Variants in TINAG observed in about 807,000 individuals in gnomAD.
TINAG encodes tubulointerstitial nephritis antigen.
TINAG carries 83 observed loss-of-function variants against 72.7 expected under a neutral mutation model. That is an observed-to-expected ratio of 1.14 (90% CI 0.96 to 1.37). The LOEUF is 1.37. TINAG is among the 40% of genes most tolerant of loss of function. The pLI, the probability that TINAG is intolerant of heterozygous loss-of-function variation, is 0.00. For missense variants in TINAG, 685 were observed against 576.6 expected (o/e 1.19, Z -1.93); for synonymous variants, 234 against 189.9 (o/e 1.23, Z -1.91).
intron 10 of TINAG, among the ~76,000 whole-genome samples, chr6:54,382,343 A>G (rs1486875912): frequency 6.6e-6 from 1 of 152,096 alleles, no homozygotes; most frequent in Non-Finnish European, 1.5e-5. Flanking sequence ...TTATTTACCA[A>G]TGTATCTCAA....
rs1784616237 is a variant in TINAG, at chr6:54,326,907, T to G, written c.615T>G (p.Asn205Lys). ...CTAGTCCCATGCTCCTGAGCATGAATGAAATGACAGTAAGTGTTCCTTCTG... is the reference window on the plus strand; with the variant it reads ...CTAGTCCCATGCTCCTGAGCATGAAGGAAATGACAGTAAGTGTTCCTTCTG... ...LPPSPMLLSMNEMTASLPATT... is the reference protein window; with the variant it reads ...LPPSPMLLSMKEMTASLPATT... The change falls in exon 4 of 11, where the codon AAT becomes AAG. Residue 205 changes from asparagine to lysine, a missense_variant. Asn to Lys is a moderately conservative substitution (Grantham distance 94). Transcript: ENST00000259782. 6.2e-7 allele frequency: 1 copy of G among 1,612,960 alleles called. No homozygotes were observed.
intron 1 of TINAG, among the ~76,000 whole-genome samples, chr6:54,314,644 C>A (rs912029800): frequency 1.3e-5 from 2 of 152,090 alleles, no homozygotes; most frequent in East Asian, 3.9e-4. Flanking sequence ...TGGATGTCTG[C>A]CTTTTGATTA....
chr6:54,308,616 G>A lies in TINAG; in HGVS notation c.66G>A (p.Gln22=), dbSNP rs1202385134. 6.2e-7 allele frequency: 1 copy of A among 1,613,676 alleles called. No homozygotes were observed. The highest frequency in any genetic ancestry group is 1.7e-5 in the Admixed American group (1 of 59,902). ...CTACAGAAATCTGGATGGAGAAGCA[G>A]TATTTATCTCAAAGAGAAGTGGACC... is the stretch of plus-strand genomic sequence containing the variant. ...YLTTEIWMEK[Q]YLSQREVDLE... is the part of the protein sequence containing the mutation. Residue 22 remains glutamine, a synonymous_variant, in exon 1 of 11, where the codon CAG becomes CAA. Transcript: ENST00000259782.
chr6:54,322,097 G>A (rs1306907063), intron 3 of TINAG, among the ~76,000 whole-genome samples: 1 of 152,100 alleles, frequency 6.6e-6, no homozygotes, highest in Non-Finnish European at 1.5e-5. Flanking sequence ...CTTGAGGCCA[G>A]GAGTTCAAGA....
chr6:54,383,324 T>C (rs1764005830), intron 10 of TINAG, among the ~76,000 whole-genome samples: 2 of 152,144 alleles, frequency 1.3e-5, no homozygotes, highest in African/African-American at 2.4e-5. Context: ...CAATTATATA[T>C]GGATGTTTCA....
chr6:54,366,961 G>A (rs1433710610), intron 9 of TINAG: 2 of 151,630 alleles, frequency 1.3e-5, no homozygotes, highest in African/African-American at 4.8e-5. Context: ...CTAAGAGGTA[G>A]CCAAGACAGG....
intron 9 of TINAG, among the ~76,000 whole-genome samples, chr6:54,376,165 G>A (rs920717920): frequency 6.6e-6 from 1 of 152,106 alleles, no homozygotes. Flanking sequence ...TGCCTTTGGC[G>A]GAGAGTTAAT....
At chr6:54,328,605 T>A (rs891086685) in intron 4 of TINAG, among the ~76,000 whole-genome samples, 2 of 151,812 alleles carry the variant, frequency 1.3e-5, no homozygotes, top group Non-Finnish European at 2.9e-5. Flanking sequence ...GTGAACAAAA[T>A]TGGACAGAGA....
At chr6:54,379,094 C>T (rs1763868977) in intron 9 of TINAG, among the ~76,000 whole-genome samples, 1 of 152,050 alleles carries the variant, frequency 6.6e-6, no homozygotes, top group African/African-American at 2.4e-5. Flanking sequence ...TAATGACAGA[C>T]CATAATTTAG....
chr6:54,381,983 T>G (rs1186711324), intron 10 of TINAG, among the ~76,000 whole-genome samples: 2 of 152,036 alleles, frequency 1.3e-5, no homozygotes, highest in Non-Finnish European at 2.9e-5. Context: ...GATCCCTACC[T>G]CTAGGTAGTG....
intron 4 of TINAG, among the ~76,000 whole-genome samples, chr6:54,327,904 G>A (rs1196945351): frequency 1.3e-5 from 2 of 152,122 alleles, no homozygotes; most frequent in African/African-American, 2.4e-5. Context: ...CTGTAGCCAG[G>A]CTGCCTCTCT....
chr6:54,308,746 A>G lies in TINAG; in HGVS notation c.196A>G (p.Arg66Gly), dbSNP rs748972387. Reference sequence around the variant, plus strand: ...TAGAAATTTTGGCTGTTGTGAAGACAGAGATGATGGCTGTGTCACTGAGTT... The same window carrying G: ...TAGAAATTTTGGCTGTTGTGAAGACGGAGATGATGGCTGTGTCACTGAGTT... ...YCRNFGCCED[R>G]DDGCVTEFYA... is the part of the protein sequence containing the mutation. The change falls in exon 1 of 11, where the codon AGA (arginine) becomes GGA (glycine). Residue 66 changes from arginine to glycine, a missense_variant. By Grantham distance (125) the Arg-to-Gly change is moderately radical. Transcript: ENST00000259782. 43 of 1,613,946 alleles carry G rather than the reference A, an allele frequency of 2.7e-5. No homozygotes were observed. Among genetic ancestry groups the G allele is most frequent in the Non-Finnish European group, 3.6e-5 (43 of 1,179,896 alleles).
intron 6 of TINAG, among the ~76,000 whole-genome samples, chr6:54,349,394 G>T (rs879490962): frequency 6.6e-6 from 1 of 151,662 alleles, no homozygotes; most frequent in Non-Finnish European, 1.5e-5. Flanking sequence ...AGGTTGAAGG[G>T]GTCCTTCCCC....
chr6:54,366,598 G>A (rs1763427932), intron 9 of TINAG, among the ~76,000 whole-genome samples: 1 of 151,230 alleles, frequency 6.6e-6, no homozygotes, highest in Admixed American at 6.6e-5. Context: ...GAGGGAGGGA[G>A]GGAGGGAGAG....
Position 54,313,920 on chromosome 6 carries a change from G to A in TINAG, c.355+5015G>A, listed in dbSNP as rs148231648. ...TGTTGGAATATCAACAGGAGTAATC[G>A]ATAGTATTTAAAACTTTTTATATAT... On this transcript the variant is annotated intron_variant, in intron 1 of 10. Transcript: ENST00000259782. 4.6e-5 allele frequency among the ~76,000 whole-genome samples: 7 copies of A among 152,160 alleles called. No individual in the cohort carries two copies. In the East Asian group the frequency reaches 9.7e-4, roughly 21 times the overall value.
At chr6:54,360,282 G>C (rs1329826903) in intron 9 of TINAG, among the ~76,000 whole-genome samples, 3 of 151,516 alleles carry the variant, frequency 2.0e-5, no homozygotes, top group Non-Finnish European at 4.4e-5. Flanking sequence ...CATTTTGAAT[G>C]CTATGGCTAT....
chr6:54,385,733 A>G (rs1764080052), intron 10 of TINAG, among the ~76,000 whole-genome samples: 1 of 152,058 alleles, frequency 6.6e-6, no homozygotes, highest in South Asian at 2.1e-4. Context: ...ATAAAATTCC[A>G]AACAAAATAT....
rs1784169303 is a variant in TINAG at position 54,308,710 on chromosome 6, G to C, written c.160G>C (p.Gly54Arg). Reference sequence around the variant, plus strand: ...TCGATTCAAAAGAGCCATTTTCCAAGGGCAATACTGTAGAAATTTTGGCTG... The same window carrying C: ...TCGATTCAAAAGAGCCATTTTCCAACGGCAATACTGTAGAAATTTTGGCTG... ...GTRFKRAIFQ[G>R]QYCRNFGCCE... Residue 54 changes from glycine (G) to arginine (R), a missense_variant, in exon 1 of 11, where the codon GGG becomes CGG. Gly to Arg is a moderately radical substitution (Grantham distance 125, BLOSUM62 -2). Coordinates refer to ENST00000259782, the MANE Select transcript of TINAG (RefSeq NM_014464.4). 1 of 1,613,764 alleles carries C rather than the reference G, an allele frequency of 6.2e-7. No homozygotes were observed. The highest frequency in any genetic ancestry group is 8.5e-7 in the Non-Finnish European group (1 of 1,179,904).
intron 10 of TINAG, among the ~76,000 whole-genome samples, chr6:54,387,176 T>C (rs1364098373): frequency 6.6e-6 from 1 of 152,164 alleles, no homozygotes; most frequent in Admixed American, 6.5e-5. Context: ...TTACTAATTA[T>C]CAAGGAAATG....
Sources: gnomAD v4.1 joint callset for allele counts (sites outside exome capture counted in the v4.1 genomes callset) on GRCh38, gnomAD v4.1.1 for gene constraint, MANE v1.5 for transcripts, NCBI Gene and HGNC (gene_info 2026-07-23, HGNC 2026-07-21) for gene names.